The following AGBL4 variants were observed in gnomAD, a reference collection of about 807,000 sequenced individuals.
The protein encoded by AGBL4 is AGBL carboxypeptidase 4, also known as cytosolic carboxypeptidase 6.
AGBL4 carries 58 observed loss-of-function variants against 66.4 expected under a neutral mutation model. The observed-to-expected ratio is 0.87, with a 90% CI of 0.71 to 1.09. The LOEUF is 1.09. Ranked by LOEUF, AGBL4 falls within the 50% of genes least tolerant of loss-of-function variation. AGBL4 has a pLI of 0.00. For synonymous variants in AGBL4, 234 were observed against 222.9 expected, an observed-to-expected ratio of 1.05 and a Z score of -0.44; for missense variants, 579 against 631.0, an observed-to-expected ratio of 0.92 and a Z score of 0.88.
At chr1:49,442,569 T>C (rs939640765) in intron 3 of AGBL4, among the ~76,000 whole-genome samples, 10 of 152,238 alleles carry the variant, frequency 6.6e-5, no homozygotes, top group Non-Finnish European at 1.5e-4. Flanking sequence ...TCAACATTGC[T>C]GCAAATAACA....
At chr1:49,126,856 A>G (rs1036623642) in intron 4 of AGBL4, among the ~76,000 whole-genome samples, 3 of 152,150 alleles carry the variant, frequency 2.0e-5, no homozygotes, top group Non-Finnish European at 4.4e-5. Context: ...CAAAAAATAC[A>G]GTACAAAGCT....
At chr1:48,630,162 T>G (rs912502461) in intron 9 of AGBL4, among the ~76,000 whole-genome samples, 2 of 152,176 alleles carry the variant, frequency 1.3e-5, no homozygotes, top group African/African-American at 2.4e-5. Context: ...GGTAGTCCTC[T>G]TGGTTAAACA....
intron 3 of AGBL4, among the ~76,000 whole-genome samples, chr1:49,440,517 C>A (rs1479970468): frequency 6.6e-6 from 1 of 152,148 alleles, no homozygotes; most frequent in Non-Finnish European, 1.5e-5. Flanking sequence ...TACCTTTGAC[C>A]ATATGTGGAG....
chr1:49,017,692 C>T (rs1318037693), intron 5 of AGBL4, among the ~76,000 whole-genome samples: 1 of 152,138 alleles, frequency 6.6e-6, no homozygotes, highest in Non-Finnish European at 1.5e-5. Flanking sequence ...ACAATAACTA[C>T]CTCTGAGTAT....
At chr1:48,899,420 A>AT (rs1651869774) in intron 5 of AGBL4, among the ~76,000 whole-genome samples, 1 of 54,746 alleles carries the variant, frequency 1.8e-5, no homozygotes, top group Admixed American at 1.9e-4. Flanking sequence ...ATAAGTTAAT[A>AT]GTTTTTTTTT....
At chr1:48,771,730 C>A (rs1644845862) in intron 6 of AGBL4, among the ~76,000 whole-genome samples, 1 of 152,234 alleles carries the variant, frequency 6.6e-6, no homozygotes, top group African/African-American at 2.4e-5. Flanking sequence ...CTCTGCTTCA[C>A]TGCTAACTTT....
intron 3 of AGBL4, among the ~76,000 whole-genome samples, chr1:49,476,493 G>C (rs550012922): frequency 4.8e-4 from 73 of 152,084 alleles, no homozygotes; most frequent in African/African-American, 1.8e-3. Context: ...GTCTAATGCT[G>C]TCAGCGAGAT....
intron 4 of AGBL4, among the ~76,000 whole-genome samples, chr1:49,203,513 A>G (rs1647887310): frequency 6.6e-6 from 1 of 152,216 alleles, no homozygotes; most frequent in South Asian, 2.1e-4. Flanking sequence ...GCCAACCACA[A>G]AAAGACATAT....
chr1:49,889,609 T>C (rs996176841), intron 1 of AGBL4, among the ~76,000 whole-genome samples: 69 of 151,840 alleles, frequency 4.5e-4, no homozygotes, highest in African/African-American at 1.6e-3. Context: ...ACAAAAAAAA[T>C]AGCTGGGCGT....
chr1:49,306,929 G>A (rs1278391992), intron 3 of AGBL4, among the ~76,000 whole-genome samples: 4 of 152,112 alleles, frequency 2.6e-5, no homozygotes, highest in African/African-American at 9.7e-5. Flanking sequence ...TGAGAAAGTG[G>A]AGGCTAAGAA....
intron 6 of AGBL4, among the ~76,000 whole-genome samples, chr1:48,703,941 T>C (rs547197937): frequency 2.0e-5 from 3 of 152,200 alleles, no homozygotes; most frequent in African/African-American, 4.8e-5. Flanking sequence ...AATGCCTCAT[T>C]AGGCAATTGC....
At chr1:49,994,805 A>G in intron 1 of AGBL4, 1 of 299,072 alleles carries the variant, frequency 3.3e-6, no homozygotes, top group South Asian at 3.2e-5. Context: ...ACAGTTGAAA[A>G]GCTGTAAGTG....
intron 9 of AGBL4, among the ~76,000 whole-genome samples, chr1:48,620,328 T>A (rs1645391129): frequency 6.6e-6 from 1 of 152,180 alleles, no homozygotes; most frequent in African/African-American, 2.4e-5. Flanking sequence ...TGAAGTTCAG[T>A]GGCATGATCA....
intron 3 of AGBL4, among the ~76,000 whole-genome samples, chr1:49,431,867 A>C (rs1178941947): frequency 6.6e-6 from 1 of 152,154 alleles, no homozygotes; most frequent in Non-Finnish European, 1.5e-5. Context: ...AGGTCTCACT[A>C]ATACAGGCCT....
chr1:49,985,974 C>T (rs748152208), intron 1 of AGBL4, among the ~76,000 whole-genome samples: 9 of 152,062 alleles, frequency 5.9e-5, no homozygotes, highest in Admixed American at 2.6e-4. Flanking sequence ...CCTGCTTCAA[C>T]GCTTTAATTA....
chr1:49,990,657 T>C (rs1348217852), intron 1 of AGBL4, among the ~76,000 whole-genome samples: 2 of 152,192 alleles, frequency 1.3e-5, no homozygotes, highest in Non-Finnish European at 2.9e-5. Context: ...GGTTGAGTAG[T>C]ACTAATTGTA....
chr1:49,814,097 G>A (rs772128693), intron 2 of AGBL4, among the ~76,000 whole-genome samples: 4 of 152,096 alleles, frequency 2.6e-5, no homozygotes, highest in African/African-American at 4.8e-5. Flanking sequence ...GTGGAACCAT[G>A]AGTCCATTAT....
intron 3 of AGBL4, among the ~76,000 whole-genome samples, chr1:49,313,847 G>T (rs772355544): frequency 5.9e-5 from 9 of 152,022 alleles, no homozygotes; most frequent in Non-Finnish European, 1.2e-4. Context: ...AGTTTGTTTT[G>T]CTGGGCAGAA....
chr1:49,282,808 C>A (rs1395761115), intron 3 of AGBL4, among the ~76,000 whole-genome samples: 1 of 152,182 alleles, frequency 6.6e-6, no homozygotes, highest in Non-Finnish European at 1.5e-5. Flanking sequence ...TTGCGCTTTT[C>A]GGACGGGCTT....
Sources: allele counts gnomAD v4.1 joint callset (sites outside exome capture counted in the v4.1 genomes callset), GRCh38; gene constraint gnomAD v4.1.1; transcripts MANE v1.5; gene names NCBI Gene and HGNC (gene_info 2026-07-23, HGNC 2026-07-21).